The following KIAA2012 variants were observed in gnomAD, a reference collection of about 807,000 sequenced individuals.
KIAA2012 encodes the protein KIAA2012.
KIAA2012 carries 125 observed loss-of-function variants against 150.6 expected under a neutral mutation model. The ratio of observed to expected loss-of-function variants is 0.83; its 90% CI spans 0.72 to 0.96. The LOEUF (loss-of-function observed/expected upper bound fraction) is 0.96. Ranked by LOEUF, KIAA2012 falls within the 40% of genes least tolerant of loss-of-function variation. The pLI, the probability that KIAA2012 is intolerant of heterozygous loss-of-function variation, is 0.00. For synonymous variants in KIAA2012, 462 were observed against 504.7 expected (o/e 0.92, Z 1.13); for missense variants, 1,219 against 1,354.9 (o/e 0.90, Z 1.57).
In KIAA2012 at chr2:202,142,864, A is replaced by G. The variant is rs1031094122; in HGVS notation, c.1908+4356A>G. 2.0e-5 allele frequency among the ~76,000 whole-genome samples: 3 copies of G among 151,818 alleles called. No homozygotes were observed. In the East Asian group the frequency reaches 5.8e-4, roughly 29 times the overall value. On this transcript the variant is annotated intron_variant, in intron 13 of 23. Transcript: ENST00000498697. ...TTCATACTAGAAACTGAGATTTAAT[A>G]CTAATGTTTAACTAACAGGCAACAT...
intron 12 of KIAA2012, among the ~76,000 whole-genome samples, chr2:202,133,256 T>A (rs2105941701): frequency 6.6e-6 from 1 of 151,054 alleles, no homozygotes; most frequent in South Asian, 2.1e-4. Context: ...ACCATAGATA[T>A]CCTTATTAAT....
Position 202,194,370 on chromosome 2 carries a change from G to C in KIAA2012, c.3187+8G>C, listed in dbSNP as rs978271957. 7 of 1,549,190 alleles carry C rather than the reference G, an allele frequency of 4.5e-6. No individual in the cohort carries two copies. The highest frequency in any genetic ancestry group is 6.1e-6 in the Non-Finnish European group (7 of 1,146,900). ...AGGAAGCCGAGAGGGCCGGTGAGGG[G>C]GTTCTTGAGCTCTTTGCATCTCTCT... On this transcript the variant is annotated splice_region_variant and intron_variant, in intron 21 of 23. Transcript: ENST00000498697.
chr2:202,073,614 G>A lies in KIAA2012; in HGVS notation c.-14G>A, dbSNP rs1338911828. 6.5e-7 allele frequency: 1 copy of A among 1,549,694 alleles called. No individual in the cohort carries two copies. Among genetic ancestry groups the A allele is most frequent in the East Asian group, 2.4e-5 (1 of 40,916 alleles). Reference sequence around the variant, plus strand: ...AGATGGACTGCCCTTGAGAAGGGGTGGTCAGAGGGAAACATGTTCACGCTC... The same window carrying A: ...AGATGGACTGCCCTTGAGAAGGGGTAGTCAGAGGGAAACATGTTCACGCTC... On this transcript the variant is annotated 5_prime_UTR_variant, in exon 1 of 24. Transcript: ENST00000498697.
chr2:202,181,914 A>C (rs892444037), intron 15 of KIAA2012, among the ~76,000 whole-genome samples: 4 of 152,058 alleles, frequency 2.6e-5, no homozygotes, highest in Non-Finnish European at 5.9e-5. Context: ...CAAATTGTAC[A>C]ATTCCCATGA....
At chr2:202,105,690 C>A in intron 8 of KIAA2012, 71 bp from the exon 9 acceptor site, 2 of 1,508,436 alleles carry the variant, frequency 1.3e-6, no homozygotes, top group Non-Finnish European at 1.8e-6. Flanking sequence ...AGGGATAGGT[C>A]CCCAAAAGAA....
intron 9 of KIAA2012, 75 bp from the exon 10 acceptor site, chr2:202,109,538 T>C: frequency 7.4e-7 from 1 of 1,345,638 alleles, no homozygotes; most frequent in Non-Finnish European, 1.0e-6. Context: ...TTCAACCAAG[T>C]TAGAAGAGAG....
chr2:202,153,804 C>T (rs1199139568), intron 13 of KIAA2012, among the ~76,000 whole-genome samples: 2 of 152,174 alleles, frequency 1.3e-5, no homozygotes, highest in African/African-American at 2.4e-5. Context: ...AAAAGACACC[C>T]AATAAATATT....
intron 13 of KIAA2012, among the ~76,000 whole-genome samples, chr2:202,151,725 G>A (rs1192927730): frequency 5.9e-5 from 9 of 152,098 alleles, no homozygotes; most frequent in Admixed American, 5.9e-4. Flanking sequence ...AACCAAGCAC[G>A]TGACTTTCAT....
chr2:202,173,828 A>G (rs1244237219), intron 15 of KIAA2012, among the ~76,000 whole-genome samples: 2 of 152,252 alleles, frequency 1.3e-5, no homozygotes, highest in East Asian at 3.8e-4. Flanking sequence ...GGAAAAAAAT[A>G]AAATTCACCC....
chr2:202,171,359 C>T (rs996974986), intron 15 of KIAA2012, among the ~76,000 whole-genome samples: 1 of 152,134 alleles, frequency 6.6e-6, no homozygotes, highest in Non-Finnish European at 1.5e-5. Context: ...CGGCAGGGGC[C>T]CCGCAGCAGG....
intron 13 of KIAA2012, among the ~76,000 whole-genome samples, chr2:202,143,943 G>A (rs1456873640): frequency 2.0e-5 from 3 of 152,130 alleles, no homozygotes; most frequent in Non-Finnish European, 4.4e-5. Context: ...TGTAAGCTTG[G>A]GAAAAGAGGG....
intron 3 of KIAA2012, among the ~76,000 whole-genome samples, chr2:202,092,198 T>A (rs1689741407): frequency 6.6e-6 from 1 of 152,148 alleles, no homozygotes; most frequent in South Asian, 2.1e-4. Flanking sequence ...ATTCTTGAGC[T>A]CCTTGCCATA....
intron 15 of KIAA2012, among the ~76,000 whole-genome samples, chr2:202,174,675 GTGT>G (rs1691957203): frequency 6.6e-6 from 1 of 152,200 alleles, no homozygotes; most frequent in Non-Finnish European, 1.5e-5. Flanking sequence ...CTCTTGGCCA[GTGT>G]TGTTCACCTG....
intron 12 of KIAA2012, chr2:202,137,315 C>CTTTTTTTT (rs11336637): frequency 1.6e-5 from 2 of 122,142 alleles, no homozygotes; most frequent in African/African-American, 3.2e-5. Context: ...ATTAAAGTTA[C>CTTTTTTTT]TTTTTTTTTT....
chr2:202,100,817 G>T (rs1331660539), intron 7 of KIAA2012, among the ~76,000 whole-genome samples: 3 of 152,236 alleles, frequency 2.0e-5, no homozygotes, highest in Non-Finnish European at 4.4e-5. Context: ...AAATGCTGGA[G>T]ATCTTGAATC....
At chr2:202,190,079 C>A (rs1364494164) in intron 18 of KIAA2012, 95 bp from the exon 19 acceptor site, 13 of 1,030,258 alleles carry the variant, frequency 1.3e-5, no homozygotes, top group Middle Eastern at 3.2e-4. Flanking sequence ...CAGAGCAAGA[C>A]CCTGTCTCAA....
intron 4 of KIAA2012, among the ~76,000 whole-genome samples, chr2:202,094,643 T>G (rs1246091709): frequency 6.6e-6 from 1 of 152,064 alleles, no homozygotes; most frequent in African/African-American, 2.4e-5. Context: ...CTTAGCCTCC[T>G]AAGTAGCTGG....
intron 13 of KIAA2012, among the ~76,000 whole-genome samples, chr2:202,144,712 C>A (rs562709537): frequency 6.6e-6 from 1 of 152,234 alleles, no homozygotes; most frequent in Admixed American, 6.5e-5. Flanking sequence ...AATCAACAGG[C>A]CGGGCACAGT....
chr2:202,179,974 T>C (rs534825085), intron 15 of KIAA2012: 30 of 722,730 alleles, frequency 4.2e-5, no homozygotes, highest in Admixed American at 2.6e-4. Context: ...AAGTTAAGAT[T>C]ACTTGGCTGC....
Sources: gnomAD v4.1 joint callset for allele counts (sites outside exome capture counted in the v4.1 genomes callset) on GRCh38, gnomAD v4.1.1 for gene constraint, MANE v1.5 for transcripts, NCBI Gene and HGNC (gene_info 2026-07-23, HGNC 2026-07-21) for gene names.